Variants in GALNT13 observed in about 807,000 individuals in gnomAD.
GALNT13 encodes polypeptide N-acetylgalactosaminyltransferase 13.
Under a neutral mutation model 64.2 loss-of-function variants are expected in GALNT13, and 28 were observed. The ratio of observed to expected loss-of-function variants is 0.44; its 90% CI spans 0.32 to 0.60. GALNT13 has a LOEUF of 0.60. GALNT13 is among the 20% of genes least tolerant of loss of function. The pLI, the probability that GALNT13 is intolerant of heterozygous loss-of-function variation, is 0.05. For missense variants in GALNT13, 577 were observed against 669.8 expected, an observed-to-expected ratio of 0.86 and a Z score of 1.53; for synonymous variants, 214 against 224.6, an observed-to-expected ratio of 0.95 and a Z score of 0.42.
intron 3 of GALNT13, among the ~76,000 whole-genome samples, chr2:153,946,977 T>C (rs1048412010): frequency 6.6e-6 from 1 of 152,016 alleles, no homozygotes; most frequent in Non-Finnish European, 1.5e-5. Context: ...TTTCACATTT[T>C]AGGTCTGCTA....
At chr2:153,188,689 T>G in the GALNT13 span, among the ~76,000 whole-genome samples, 7 of 152,118 alleles carry the variant, frequency 4.6e-5, no homozygotes, top group African/African-American at 1.7e-4. Context: ...TAAAATGAAT[T>G]TCCTTGGATA....
chr2:154,151,332 G>C (rs1039398564), intron 4 of GALNT13, among the ~76,000 whole-genome samples: 1 of 152,154 alleles, frequency 6.6e-6, no homozygotes, highest in African/African-American at 2.4e-5. Flanking sequence ...CATTTGCTGA[G>C]GAGAGCTTTA....
chr2:153,620,829 T>C, the GALNT13 span, among the ~76,000 whole-genome samples: 1 of 152,052 alleles, frequency 6.6e-6, no homozygotes, highest in Non-Finnish European at 1.5e-5. Flanking sequence ...TAGATGTTCT[T>C]CACTGTCTGG....
chr2:153,572,339 T>G, the GALNT13 span, among the ~76,000 whole-genome samples: 3 of 151,474 alleles, frequency 2.0e-5, no homozygotes, highest in South Asian at 2.1e-4. Flanking sequence ...TTGTATTTTT[T>G]CTCTCTTTTT....
chr2:153,553,337 G>GAA, the GALNT13 span, among the ~76,000 whole-genome samples: 1 of 148,514 alleles, frequency 6.7e-6, no homozygotes, highest in African/African-American at 2.5e-5. Flanking sequence ...CATCTCTACA[G>GAA]AAAAAAAAAA....
chr2:153,503,609 T>G, the GALNT13 span, among the ~76,000 whole-genome samples: 1 of 151,956 alleles, frequency 6.6e-6, no homozygotes, highest in Non-Finnish European at 1.5e-5. Flanking sequence ...CCCGGCTAAT[T>G]TTTGTATTTT....
chr2:153,808,998 A>G, the GALNT13 span, among the ~76,000 whole-genome samples: 9 of 152,338 alleles, frequency 5.9e-5, no homozygotes, highest in East Asian at 1.5e-3. Flanking sequence ...ATTTATAGTC[A>G]CTAATCTTTT....
chr2:154,146,165 C>T (rs896271133), intron 4 of GALNT13, among the ~76,000 whole-genome samples: 6 of 151,252 alleles, frequency 4.0e-5, no homozygotes, highest in East Asian at 2.0e-4. Flanking sequence ...CACACACACA[C>T]GCATACACAT....
chr2:153,156,942 T>C, the GALNT13 span, among the ~76,000 whole-genome samples: 4 of 152,176 alleles, frequency 2.6e-5, no homozygotes, highest in Non-Finnish European at 5.9e-5. Flanking sequence ...TAGGACAAAC[T>C]ATTCTTAGAG....
chr2:153,747,893 T>C, the GALNT13 span, among the ~76,000 whole-genome samples: 2 of 152,196 alleles, frequency 1.3e-5, no homozygotes, highest in Non-Finnish European at 2.9e-5. Context: ...ATTTTATATA[T>C]GTACCATTGT....
At chr2:153,280,366 T>C in the GALNT13 span, among the ~76,000 whole-genome samples, 1 of 152,106 alleles carries the variant, frequency 6.6e-6, no homozygotes, top group African/African-American at 2.4e-5. Flanking sequence ...CAAATTCATT[T>C]AGTTCTGGTC....
the GALNT13 span, among the ~76,000 whole-genome samples, chr2:153,511,893 G>A: frequency 6.6e-6 from 1 of 152,202 alleles, no homozygotes; most frequent in Non-Finnish European, 1.5e-5. Context: ...TCCCAATGGG[G>A]TTGAAGAGGA....
chr2:154,038,718 G>A (rs1195032137), intron 3 of GALNT13, among the ~76,000 whole-genome samples: 1 of 152,062 alleles, frequency 6.6e-6, no homozygotes, highest in Non-Finnish European at 1.5e-5. Context: ...GATTTTATGG[G>A]TAGGACTATG....
chr2:153,891,427 C>G (rs973500094), intron 1 of GALNT13, among the ~76,000 whole-genome samples: 4 of 151,938 alleles, frequency 2.6e-5, no homozygotes, highest in Non-Finnish European at 4.4e-5. Context: ...TGCTTCTTGT[C>G]AAACTCATTT....
At chr2:153,273,351 A>G in the GALNT13 span, among the ~76,000 whole-genome samples, 50 of 152,338 alleles carry the variant, frequency 3.3e-4, no homozygotes, top group Middle Eastern at 0.01. Flanking sequence ...AAAGTAACCT[A>G]TCTGCAGGCT....
At chr2:153,306,998 A>T in the GALNT13 span, among the ~76,000 whole-genome samples, 1 of 152,246 alleles carries the variant, frequency 6.6e-6, no homozygotes. Context: ...GGCCTCCCAA[A>T]GTGCTGAAAT....
chr2:154,292,610 G>T (rs953275697), intron 8 of GALNT13, among the ~76,000 whole-genome samples: 6 of 152,280 alleles, frequency 3.9e-5, no homozygotes, highest in Non-Finnish European at 5.9e-5. Context: ...CTAGTAAGTT[G>T]CAGAGCTAGG....
At chr2:153,695,597 G>A in the GALNT13 span, among the ~76,000 whole-genome samples, 102 of 152,250 alleles carry the variant, frequency 6.7e-4, no homozygotes, top group African/African-American at 2.3e-3. Context: ...ATAACTATAC[G>A]TTATGGCTTT....
chr2:153,325,758 C>T, the GALNT13 span, among the ~76,000 whole-genome samples: 20 of 152,118 alleles, frequency 1.3e-4, no homozygotes, highest in East Asian at 3.9e-3. Context: ...TTATTTACCC[C>T]GTAGTCATTC....
Sources: allele counts gnomAD v4.1 joint callset (sites outside exome capture counted in the v4.1 genomes callset), GRCh38; gene constraint gnomAD v4.1.1; transcripts MANE v1.5; gene names NCBI Gene and HGNC (gene_info 2026-07-23, HGNC 2026-07-21).